The following GPC5 variants were observed in gnomAD, a reference collection of about 807,000 sequenced individuals.
GPC5 encodes the protein glypican-5.
A neutral mutation model predicts 53.9 loss-of-function variants in GPC5; 47 were observed. The observed-to-expected ratio is 0.87, with a 90% CI of 0.69 to 1.11. The LOEUF is 1.11. Among genes scored for constraint, GPC5 ranks in the 50% most tolerant of loss-of-function variants. The pLI is 0.00. For synonymous variants in GPC5, 286 were observed against 263.3 expected, an observed-to-expected ratio of 1.09 and a Z score of -0.84; for missense variants, 748 against 713.1, an observed-to-expected ratio of 1.05 and a Z score of -0.56.
chr13:91,429,701 A>C (rs191999124), intron 1 of GPC5, among the ~76,000 whole-genome samples: 255 of 152,308 alleles, frequency 1.7e-3, no homozygotes, highest in African/African-American at 5.8e-3. Flanking sequence ...AGACAGAGAA[A>C]AGGTCAGTGG....
At chr13:91,656,181 G>C (rs1346006887) in intron 2 of GPC5, among the ~76,000 whole-genome samples, 1 of 152,136 alleles carries the variant, frequency 6.6e-6, no homozygotes, top group Admixed American at 6.6e-5. Context: ...AGGCAGCGTG[G>C]AGTAATTAAG....
chr13:92,587,162 T>TA (rs1363589537), intron 7 of GPC5, among the ~76,000 whole-genome samples: 1 of 152,082 alleles, frequency 6.6e-6, no homozygotes, highest in East Asian at 1.9e-4. Flanking sequence ...TATCTTGTAT[T>TA]AAAAAAATGG....
intron 5 of GPC5, among the ~76,000 whole-genome samples, chr13:91,883,272 C>A (rs1412655014): frequency 6.6e-6 from 1 of 152,120 alleles, no homozygotes; most frequent in African/African-American, 2.4e-5. Flanking sequence ...CCAAGGGAAC[C>A]AGGTGGAAAA....
At chr13:91,793,665 G>A (rs911826218) in intron 5 of GPC5, among the ~76,000 whole-genome samples, 12 of 152,074 alleles carry the variant, frequency 7.9e-5, no homozygotes, top group Admixed American at 2.6e-4. Flanking sequence ...TAAAGAAAGA[G>A]GTTTAATTGA....
intron 6 of GPC5, among the ~76,000 whole-genome samples, chr13:92,116,747 G>T (rs1443349702): frequency 1.3e-5 from 2 of 152,166 alleles, no homozygotes; most frequent in Non-Finnish European, 2.9e-5. Flanking sequence ...TCTCCATTAT[G>T]ACAGTATGTA....
chr13:91,416,148 A>G (rs981828260), intron 1 of GPC5, among the ~76,000 whole-genome samples: 10 of 152,176 alleles, frequency 6.6e-5, no homozygotes, highest in African/African-American at 2.4e-4. Context: ...GGAGGGAGGC[A>G]AGAGTCCATG....
At chr13:91,548,212 T>G (rs773072629) in intron 2 of GPC5, among the ~76,000 whole-genome samples, 2 of 152,082 alleles carry the variant, frequency 1.3e-5, no homozygotes, top group Non-Finnish European at 2.9e-5. Context: ...ATGTAGGAAA[T>G]CCAAAAGAAT....
chr13:91,518,891 A>G (rs966527646), intron 2 of GPC5, among the ~76,000 whole-genome samples: 3 of 152,178 alleles, frequency 2.0e-5, no homozygotes, highest in Non-Finnish European at 4.4e-5. Flanking sequence ...TAGTCAGGCT[A>G]AACAATGAGC....
intron 7 of GPC5, among the ~76,000 whole-genome samples, chr13:92,466,494 G>A (rs1369769843): frequency 6.6e-6 from 1 of 152,032 alleles, no homozygotes; most frequent in South Asian, 2.1e-4. Context: ...TAAGGAAAAT[G>A]TGGTTAAGAG....
intron 2 of GPC5, among the ~76,000 whole-genome samples, chr13:91,593,239 C>T (rs2032869640): frequency 6.6e-6 from 1 of 152,140 alleles, no homozygotes; most frequent in Admixed American, 6.5e-5. Context: ...TTCCTAGCCT[C>T]CTCCCTTCTC....
chr13:91,807,426 A>C (rs2038239660), intron 5 of GPC5, among the ~76,000 whole-genome samples: 1 of 152,202 alleles, frequency 6.6e-6, no homozygotes, highest in African/African-American at 2.4e-5. Flanking sequence ...TTGGAGTAGA[A>C]GAATTTCTTT....
At chr13:91,916,111 C>T (rs553677262) in intron 6 of GPC5, among the ~76,000 whole-genome samples, 13 of 152,142 alleles carry the variant, frequency 8.5e-5, no homozygotes, top group Middle Eastern at 3.4e-3. Context: ...ATATCTTAAG[C>T]GTCAATTTAA....
chr13:91,724,432 C>G (rs1042806460), intron 3 of GPC5, among the ~76,000 whole-genome samples: 2 of 151,940 alleles, frequency 1.3e-5, no homozygotes, highest in South Asian at 4.1e-4. Context: ...AATAATCACT[C>G]GAACTACCTC....
At chr13:92,824,584 TAGGAAATAAA>T (rs1430194469) in intron 7 of GPC5, among the ~76,000 whole-genome samples, 1 of 151,730 alleles carries the variant, frequency 6.6e-6, no homozygotes, top group Non-Finnish European at 1.5e-5. Flanking sequence ...AGCAGGAGAG[TAGGAAATAAA>T]AAGAGATAAA....
chr13:91,811,917 C>T (rs1237311629), intron 5 of GPC5, among the ~76,000 whole-genome samples: 1 of 152,188 alleles, frequency 6.6e-6, no homozygotes, highest in Non-Finnish European at 1.5e-5. Flanking sequence ...TACACTTCAA[C>T]ACTCAGAACA....
chr13:91,761,366 G>C (rs57666164), intron 5 of GPC5, among the ~76,000 whole-genome samples: 1 of 151,726 alleles, frequency 6.6e-6, no homozygotes, highest in African/African-American at 2.4e-5. Context: ...AAATTGTGGG[G>C]TTTTTTTTCA....
chr13:92,473,428 G>C (rs972393258), intron 7 of GPC5, among the ~76,000 whole-genome samples: 1 of 152,082 alleles, frequency 6.6e-6, no homozygotes, highest in African/African-American at 2.4e-5. Flanking sequence ...CCACAGAATA[G>C]ACAAGAATTA....
At chr13:91,470,828 C>A (rs1040815084) in intron 2 of GPC5, among the ~76,000 whole-genome samples, 24 of 152,058 alleles carry the variant, frequency 1.6e-4, no homozygotes, top group African/African-American at 5.6e-4. Flanking sequence ...TATTAGAATT[C>A]CATCTACATT....
chr13:92,544,133 G>A (rs1882022682), intron 7 of GPC5, among the ~76,000 whole-genome samples: 1 of 152,040 alleles, frequency 6.6e-6, no homozygotes, highest in Non-Finnish European at 1.5e-5. Context: ...TGAGAGGGAG[G>A]TGTGATTTGT....
Sources: allele counts gnomAD v4.1 joint callset (sites outside exome capture counted in the v4.1 genomes callset), GRCh38; gene constraint gnomAD v4.1.1; transcripts MANE v1.5; gene names NCBI Gene and HGNC (gene_info 2026-07-23, HGNC 2026-07-21).